The following NKD1 variants were observed in gnomAD, a reference collection of about 807,000 sequenced individuals.
NKD1 encodes the protein NKD inhibitor of Wnt signaling pathway 1.
In NKD1, 21 loss-of-function variants were observed where a neutral mutation model predicts 56.0. That is an observed-to-expected ratio of 0.38 (90% CI 0.27 to 0.54). NKD1 has a LOEUF of 0.54. Ranked by LOEUF, NKD1 falls within the 20% of genes least tolerant of loss-of-function variation. NKD1 has a pLI of 0.82. For missense variants in NKD1, 578 were observed against 642.7 expected (o/e 0.90, Z 1.09); for synonymous variants, 263 against 265.7 (o/e 0.99, Z 0.10).
At chr16:50,593,590 C>T (rs1811549822) in intron 3 of NKD1, among the ~76,000 whole-genome samples, 2 of 152,116 alleles carry the variant, frequency 1.3e-5, no homozygotes, top group African/African-American at 2.4e-5. Context: ...CCATGGCTGG[C>T]GTGGTGCGAA....
intron 3 of NKD1, among the ~76,000 whole-genome samples, chr16:50,565,961 A>C (rs1960750046): frequency 6.6e-6 from 1 of 152,182 alleles, no homozygotes; most frequent in South Asian, 2.1e-4. Context: ...CTTTAGAGCA[A>C]CAGTGTGCAT....
At chr16:50,596,080 C>T (rs1192089432) in intron 3 of NKD1, among the ~76,000 whole-genome samples, 1 of 152,242 alleles carries the variant, frequency 6.6e-6, no homozygotes, top group African/African-American at 2.4e-5. Context: ...GTCTGCATTA[C>T]ACAGCCCCTG....
At chr16:50,596,154 G>C (rs1961467670) in intron 3 of NKD1, among the ~76,000 whole-genome samples, 1 of 152,202 alleles carries the variant, frequency 6.6e-6, no homozygotes, top group Admixed American at 6.5e-5. Flanking sequence ...TGGCCTCTTT[G>C]TGGCCTGGGT....
rs931808374 is a variant in NKD1, at chr16:50,646,119, C to T, written c.*12338C>T. ...TGTGGAGACAAGATGCTAACGGGGG[C>T]GGGGGAAGGGGGCCAGGGGGCGGCC... On this transcript the variant is annotated 3_prime_UTR_variant, in exon 10 of 10. Coordinates refer to ENST00000268459, the MANE Select transcript of NKD1 (RefSeq NM_033119.5). 4 of 9,782 alleles carry T rather than the reference C, an allele frequency of 4.1e-4. No individual in the cohort carries two copies. The highest frequency in any genetic ancestry group is 3.4e-3 in the South Asian group (1 of 290). 0.6% of individuals were successfully genotyped at this position (9,782 alleles called of 1,614,324 possible). A position where few individuals can be genotyped will look rare whatever the true frequency, so the allele number is the denominator to read the frequency against.
At position 50,601,306 on chromosome 16, in the gene NKD1, A is replaced by G. The variant is rs138004304; in HGVS notation, c.193-6988A>G. On this transcript the variant is annotated intron_variant, in intron 3 of 9. Coordinates refer to ENST00000268459, the MANE Select transcript of NKD1 (RefSeq NM_033119.5). ...GTGGGAGTCAGAGCTTTTAGTTGCA[A>G]GTAACGGAAACCCAACCTGAATTGC... Among the ~76,000 whole-genome samples, 37 of 151,572 alleles carry G rather than the reference A, an allele frequency of 2.4e-4. No individual in the cohort carries two copies. The East Asian group carries it at 7.1e-3, about 29-fold the overall frequency.
chr16:50,618,633 C>T (rs1328687101), intron 4 of NKD1, among the ~76,000 whole-genome samples: 3 of 152,184 alleles, frequency 2.0e-5, no homozygotes, highest in Non-Finnish European at 4.4e-5. Flanking sequence ...AGAGGGTGAA[C>T]GACCTTCTTT....
rs980483153 is a variant in NKD1 at position 50,621,837 on chromosome 16, G to A, written c.366+129G>A. Reference sequence around the variant, plus strand: ...CTCCCCTGCATGAACAGCACCCTCTGTGGGAGGTTCCTTCTGCCACATCTG... The same window carrying A: ...CTCCCCTGCATGAACAGCACCCTCTATGGGAGGTTCCTTCTGCCACATCTG... On this transcript the variant is annotated intron_variant, in intron 5 of 9. Transcript: ENST00000268459. 8.8e-6 allele frequency: 6 copies of A among 685,498 alleles called. No homozygotes were observed. The African/African-American group carries it at 9.0e-5, about 10-fold the overall frequency. 42.5% of individuals were successfully genotyped at this position (685,498 alleles called of 1,614,324 possible). A position where few individuals can be genotyped will look rare whatever the true frequency, so the allele number is the denominator to read the frequency against.
rs1027961410 is a variant in NKD1, at chr16:50,648,624, A to C, written c.*14843A>C. 5 of 151,900 alleles carry C rather than the reference A, an allele frequency of 3.3e-5. No individual in the cohort carries two copies. The highest frequency in any genetic ancestry group is 7.4e-5 in the Non-Finnish European group (5 of 67,984). 9.4% of individuals were successfully genotyped at this position (151,900 alleles called of 1,614,324 possible). On this transcript the variant is annotated 3_prime_UTR_variant, in exon 10 of 10. Coordinates refer to ENST00000268459, the MANE Select transcript of NKD1 (RefSeq NM_033119.5). Reference sequence around the variant, plus strand: ...GGAAGCTAGTTGCTCCCCTGAATACACTCTTTCTTCCTTGTAATACAGCCT... The same window carrying C: ...GGAAGCTAGTTGCTCCCCTGAATACCCTCTTTCTTCCTTGTAATACAGCCT...
chr16:50,591,783 A>G (rs1431959456), intron 3 of NKD1, among the ~76,000 whole-genome samples: 1 of 152,244 alleles, frequency 6.6e-6, no homozygotes, highest in Non-Finnish European at 1.5e-5. Flanking sequence ...TGAAAATAAA[A>G]TGAGCGTGCG....
At chr16:50,611,029 G>A (rs370844630) in intron 4 of NKD1, among the ~76,000 whole-genome samples, 19 of 152,314 alleles carry the variant, frequency 1.2e-4, no homozygotes, top group East Asian at 3.9e-4. Context: ...CACCTTCAGC[G>A]CACACCCAGC....
rs12924696 is a variant in NKD1, at chr16:50,637,810, G to A, written c.*4029G>A. ...CTGCCCCATCCCCTGAGCTCTGAGC[G>A]TGGGGGTTCCCCTGGGGAGACTCCT... is the stretch of plus-strand genomic sequence containing the variant. On this transcript the variant is annotated 3_prime_UTR_variant, in exon 10 of 10. Coordinates refer to ENST00000268459, the MANE Select transcript of NKD1 (RefSeq NM_033119.5). 108,677 of 152,136 alleles carry A rather than the reference G, an allele frequency of 0.71. 39,655 individuals carry two copies. The highest frequency in any genetic ancestry group is 0.84 in the African/African-American group (34,832 of 41,476). The allele number at this position is 152,136 out of a possible 1,614,324, so 9.4% of individuals were successfully genotyped here.
chr16:50,599,218 C>T (rs867908999), intron 3 of NKD1, among the ~76,000 whole-genome samples: 5 of 152,010 alleles, frequency 3.3e-5, no homozygotes, highest in South Asian at 2.1e-4. Context: ...GACCAGGGCC[C>T]GGAGGGAGAA....
At chr16:50,553,603 A>C (rs1279268269) in intron 3 of NKD1, 1 of 152,250 alleles carries the variant, frequency 6.6e-6, no homozygotes, top group Non-Finnish European at 1.5e-5. Context: ...GAATGATACC[A>C]GTTGGCACAA....
chr16:50,606,432 C>T (rs1961711437), intron 3 of NKD1: 4 of 262,838 alleles, frequency 1.5e-5, no homozygotes, highest in Non-Finnish European at 3.1e-5. Flanking sequence ...CCAGTGTTCT[C>T]CAGAGCAGGG....
intron 3 of NKD1, chr16:50,607,779 C>A (rs568073569): frequency 6.4e-6 from 1 of 156,468 alleles, no homozygotes; most frequent in Non-Finnish European, 1.4e-5. Context: ...ATACAGAAGA[C>A]AGTTTGACAA....
intron 3 of NKD1, chr16:50,606,861 A>G (rs1370695062): frequency 4.4e-6 from 2 of 456,696 alleles, no homozygotes; most frequent in Admixed American, 4.7e-5. Flanking sequence ...TCTCTTCTGC[A>G]TGAAAGATGG....
intron 4 of NKD1, 139 bp downstream of exon 4, chr16:50,608,499 G>C: frequency 2.4e-5 from 15 of 619,232 alleles, no homozygotes; most frequent in Non-Finnish European, 2.1e-5. Flanking sequence ...GGTGGGGGTG[G>C]ACTAGAGGGT....
intron 3 of NKD1, among the ~76,000 whole-genome samples, chr16:50,582,077 G>C (rs1961128668): frequency 6.6e-6 from 1 of 152,148 alleles, no homozygotes; most frequent in Admixed American, 6.5e-5. Context: ...GCAGCTCATG[G>C]ACCAGATGCC....
rs537779373 is a variant in NKD1 at position 50,594,850 on chromosome 16, G to C, written c.193-13444G>C. On this transcript the variant is annotated intron_variant, in intron 3 of 9. Transcript: ENST00000268459. Reference sequence around the variant, plus strand: ...ATCTGCACGTGCACACGGTGCCCTGGGGAGGTGGACTGCTATCAAAGGGTC... The same window carrying C: ...ATCTGCACGTGCACACGGTGCCCTGCGGAGGTGGACTGCTATCAAAGGGTC... 6.2e-4 allele frequency among the ~76,000 whole-genome samples: 94 copies of C among 152,230 alleles called. 1 individual carries two copies. The highest frequency in any genetic ancestry group is 2.2e-3 in the African/African-American group (91 of 41,520).
Sources: gnomAD v4.1 joint callset for allele counts (sites outside exome capture counted in the v4.1 genomes callset) on GRCh38, gnomAD v4.1.1 for gene constraint, MANE v1.5 for transcripts, NCBI Gene and HGNC (gene_info 2026-07-23, HGNC 2026-07-21) for gene names.